Variants in DLG2 observed in about 807,000 individuals in gnomAD.
The protein encoded by DLG2 is discs large MAGUK scaffold protein 2, also known as disks large homolog 2.
Under a neutral mutation model 132.5 loss-of-function variants are expected in DLG2, and 45 were observed. That is an observed-to-expected ratio of 0.34 (90% CI 0.27 to 0.44). DLG2 has a LOEUF of 0.44. Ranked by LOEUF, DLG2 falls within the 20% of genes least tolerant of loss-of-function variation. DLG2 has a pLI of 1.00. For synonymous variants in DLG2, 424 were observed against 419.6 expected, an observed-to-expected ratio of 1.01 and a Z score of -0.13; for missense variants, 1,045 against 1,196.9, an observed-to-expected ratio of 0.87 and a Z score of 1.87.
At chr11:83,481,061 T>TTTA (rs1413374283) in intron 22 of DLG2, among the ~76,000 whole-genome samples, 3 of 152,130 alleles carry the variant, frequency 2.0e-5, no homozygotes, top group Non-Finnish European at 4.4e-5. Flanking sequence ...GTTCCTTGTT[T>TTTA]TTATTTTAGG....
chr11:83,657,806 C>T (rs1327829831), intron 18 of DLG2, among the ~76,000 whole-genome samples: 2 of 152,168 alleles, frequency 1.3e-5, no homozygotes, highest in Admixed American at 1.3e-4. Context: ...TCCCAAAGTG[C>T]TGGGATTACA....
At chr11:83,936,758 G>A (rs1396412808) in intron 14 of DLG2, among the ~76,000 whole-genome samples, 1 of 152,172 alleles carries the variant, frequency 6.6e-6, no homozygotes, top group East Asian at 1.9e-4. Flanking sequence ...GTTGTAAATG[G>A]GTTATGGAGT....
At chr11:84,939,658 A>C (rs774407327) in intron 6 of DLG2, among the ~76,000 whole-genome samples, 5 of 152,198 alleles carry the variant, frequency 3.3e-5, no homozygotes, top group Non-Finnish European at 7.3e-5. Context: ...CCCACAAATG[A>C]GTAAGAACAT....
At chr11:84,452,835 T>C (rs906353401) in intron 7 of DLG2, among the ~76,000 whole-genome samples, 2 of 151,622 alleles carry the variant, frequency 1.3e-5, no homozygotes, top group African/African-American at 2.4e-5. Context: ...GGGCATGAGC[T>C]CAGGAGTTTG....
intron 21 of DLG2, among the ~76,000 whole-genome samples, chr11:83,522,046 A>T (rs1001326532): frequency 1.2e-4 from 18 of 152,234 alleles, no homozygotes; most frequent in African/African-American, 4.3e-4. Flanking sequence ...TATGTTTACA[A>T]CCTTACCACT....
chr11:83,717,930 G>A (rs777672580), intron 18 of DLG2, among the ~76,000 whole-genome samples: 14 of 152,164 alleles, frequency 9.2e-5, no homozygotes, highest in Non-Finnish European at 1.6e-4. Flanking sequence ...ACTTACAAAC[G>A]ATGATACTCT....
At chr11:85,271,120 G>A (rs1411209401) in intron 4 of DLG2, among the ~76,000 whole-genome samples, 1 of 152,186 alleles carries the variant, frequency 6.6e-6, no homozygotes, top group Admixed American at 6.5e-5. Context: ...CAGGCCCAGG[G>A]TCCCTCTGCT....
At chr11:85,320,833 T>A (rs571771214) in intron 3 of DLG2, among the ~76,000 whole-genome samples, 3 of 150,920 alleles carry the variant, frequency 2.0e-5, no homozygotes, top group Admixed American at 2.0e-4. Flanking sequence ...TGGAGCAGAG[T>A]GAATGAAGGT....
chr11:85,197,861 C>T lies in DLG2; in HGVS notation c.187-43210G>A, dbSNP rs569965462. Among the ~76,000 whole-genome samples the T allele has an allele frequency of 5.7e-4, 87 of 152,226 alleles. 1 individual carries two copies. In the South Asian group the frequency reaches 0.013, roughly 23 times the overall value. ...TAGTAAAGTCCTGCCATTTATTATT[C>T]GCATGGTATTGGGTCATCATTTAGC... On this transcript the variant is annotated intron_variant, in intron 4 of 27. Coordinates refer to ENST00000376104, the MANE Select transcript of DLG2 (RefSeq NM_001142699.3).
intron 7 of DLG2, among the ~76,000 whole-genome samples, chr11:84,376,165 T>G (rs1309965036): frequency 1.3e-5 from 2 of 151,960 alleles, no homozygotes; most frequent in African/African-American, 4.8e-5. Context: ...CCATAGAGCT[T>G]TAATTATCTC....
intron 7 of DLG2, among the ~76,000 whole-genome samples, chr11:84,331,441 C>CAAAAAA (rs71465960): frequency 8.4e-6 from 1 of 119,714 alleles, no homozygotes; most frequent in Non-Finnish European, 1.9e-5. Context: ...TTACTTATCT[C>CAAAAAA]AAAAAAAAAA....
At chr11:84,835,233 T>C (rs1478898950) in intron 6 of DLG2, among the ~76,000 whole-genome samples, 3 of 151,678 alleles carry the variant, frequency 2.0e-5, no homozygotes, top group African/African-American at 7.3e-5. Context: ...TGAAAATTTT[T>C]TTAATCTCAG....
chr11:84,796,138 G>C (rs1457271218), intron 6 of DLG2, among the ~76,000 whole-genome samples: 1 of 152,208 alleles, frequency 6.6e-6, no homozygotes, highest in African/African-American at 2.4e-5. Context: ...CAAGTATCTC[G>C]TGACAGATGG....
chr11:85,072,565 A>G (rs190382679), intron 6 of DLG2, among the ~76,000 whole-genome samples: 1 of 151,956 alleles, frequency 6.6e-6, no homozygotes, highest in Non-Finnish European at 1.5e-5. Context: ...CAAGGGCTTT[A>G]AATACATTTC....
chr11:85,536,647 T>A (rs1476259154), intron 3 of DLG2, among the ~76,000 whole-genome samples: 1 of 152,190 alleles, frequency 6.6e-6, no homozygotes, highest in African/African-American at 2.4e-5. Flanking sequence ...GAGCTGGGGC[T>A]GCGTGCGGTG....
intron 4 of DLG2, among the ~76,000 whole-genome samples, chr11:85,184,958 A>G (rs371084657): frequency 1.3e-5 from 2 of 152,114 alleles, no homozygotes; most frequent in Admixed American, 1.3e-4. Context: ...GTTGAAATTT[A>G]TGTATCTAGA....
intron 7 of DLG2, among the ~76,000 whole-genome samples, chr11:84,438,505 T>C (rs2099007956): frequency 6.6e-6 from 1 of 152,218 alleles, no homozygotes. Context: ...CCAGGTTTTC[T>C]TGTAGTGACA....
chr11:84,282,260 GTACA>G (rs1159454446), intron 7 of DLG2, among the ~76,000 whole-genome samples: 1 of 152,102 alleles, frequency 6.6e-6, no homozygotes, highest in Non-Finnish European at 1.5e-5. Context: ...CAAACAAAAA[GTACA>G]TACTATATGA....
At position 85,345,464 on chromosome 11, in the gene DLG2, T is replaced by C. The variant is rs574708125; in HGVS notation, c.41-60099A>G. Among the ~76,000 whole-genome samples, 30 of 152,268 alleles carry C rather than the reference T, an allele frequency of 2.0e-4. No individual in the cohort carries two copies. The South Asian group carries it at 5.0e-3, about 25-fold the overall frequency. On this transcript the variant is annotated intron_variant, in intron 3 of 27. Coordinates refer to ENST00000376104, the MANE Select transcript of DLG2 (RefSeq NM_001142699.3). Reference sequence around the variant, plus strand: ...GGTAGTACATAGTTTTACACATATTTTTTATTTTGAATTTCACAACAACCC... The same window carrying C: ...GGTAGTACATAGTTTTACACATATTCTTTATTTTGAATTTCACAACAACCC...
Sources: allele counts gnomAD v4.1 joint callset (sites outside exome capture counted in the v4.1 genomes callset), GRCh38; gene constraint gnomAD v4.1.1; transcripts MANE v1.5; gene names NCBI Gene and HGNC (gene_info 2026-07-23, HGNC 2026-07-21).